CACNA2D3: variants seen among roughly 807,000 people sequenced by gnomAD.
The protein encoded by CACNA2D3 is calcium voltage-gated channel auxiliary subunit alpha2delta 3.
Under a neutral mutation model 160.6 loss-of-function variants are expected in CACNA2D3, and 60 were observed. That is an observed-to-expected ratio of 0.37 (90% confidence interval 0.30 to 0.46). CACNA2D3 has a LOEUF of 0.46. Among genes scored for constraint, CACNA2D3 ranks in the 20% least tolerant of loss-of-function variants. CACNA2D3 has a pLI of 1.00. For missense variants in CACNA2D3, 1,205 were observed against 1,365.0 expected (o/e 0.88, Z 1.85); for synonymous variants, 558 against 492.9 (o/e 1.13, Z -1.75).
chr3:54,305,813 T>C (rs1254621656), intron 2 of CACNA2D3, among the ~76,000 whole-genome samples: 1 of 152,236 alleles, frequency 6.6e-6, no homozygotes, highest in African/African-American at 2.4e-5. Flanking sequence ...CATATGACTT[T>C]CTTAACTTAC....
At chr3:54,592,497 G>A (rs751225683) in intron 9 of CACNA2D3, among the ~76,000 whole-genome samples, 1 of 152,108 alleles carries the variant, frequency 6.6e-6, no homozygotes, top group African/African-American at 2.4e-5. Context: ...CAAATTGGGT[G>A]AGCCTGGAGT....
chr3:54,165,750 C>T (rs779738677), intron 2 of CACNA2D3, among the ~76,000 whole-genome samples: 10 of 151,972 alleles, frequency 6.6e-5, no homozygotes, highest in African/African-American at 2.2e-4. Flanking sequence ...GTGAGCCATG[C>T]GCATGCTACT....
Position 55,074,206 on chromosome 3 carries a change from A to G in CACNA2D3, c.3276A>G (p.Ter1092TrpextTer2). The part of the protein sequence containing the change: ...LPLLLMLFSR[*>W] ...TGCTTTTGATGCTCTTCTCAAGGTG[A>G]CACTGACTGAGATGTTCTCTTACTG... Residue 1092 changes from the stop codon to tryptophan, a stop_lost, in exon 38 of 38, where the codon TGA becomes TGG. Coordinates refer to ENST00000474759, the MANE Select transcript of CACNA2D3 (RefSeq NM_018398.3). 6.2e-7 allele frequency: 1 copy of G among 1,610,440 alleles called. No individual in the cohort carries two copies. The highest frequency in any genetic ancestry group is 8.5e-7 in the Non-Finnish European group (1 of 1,177,056).
At chr3:54,560,415 C>T (rs62254259) in intron 5 of CACNA2D3, among the ~76,000 whole-genome samples, 12,470 of 152,152 alleles carry the variant, frequency 0.082, 690 homozygotes, top group Admixed American at 0.18. Context: ...TTTCCTTTGT[C>T]CACTTTTTAA....
intron 2 of CACNA2D3, among the ~76,000 whole-genome samples, chr3:54,141,061 C>CTGTGTGTGTGTGTGTGTG (rs55833247): frequency 0.048 from 6,141 of 128,826 alleles, 190 homozygotes; most frequent in Middle Eastern, 0.081. Flanking sequence ...CAGGTGAAAC[C>CTGTGTGTGTGTGTGTGTG]TGTGTGTGTG....
chr3:54,892,018 G>T (rs936300050), intron 25 of CACNA2D3, among the ~76,000 whole-genome samples: 4 of 152,182 alleles, frequency 2.6e-5, no homozygotes, highest in African/African-American at 9.7e-5. Context: ...GGTGGGCAGA[G>T]AGTTTCCAGG....
At chr3:54,452,321 G>A (rs1700320896) in intron 4 of CACNA2D3, among the ~76,000 whole-genome samples, 1 of 152,172 alleles carries the variant, frequency 6.6e-6, no homozygotes, top group African/African-American at 2.4e-5. Context: ...ACTGCCATGG[G>A]AACAGTATGG....
rs139013551 is a variant in CACNA2D3, at chr3:54,513,670, TTTTGTTTGTTTG to T, written c.544+10032_544+10043del. 2.6e-5 allele frequency among the ~76,000 whole-genome samples: 4 copies of T among 151,854 alleles called. No homozygotes were observed. In the East Asian group the frequency reaches 7.7e-4, roughly 29 times the overall value. ...TTTCAGCTAGCTATGTCATGCCTGTTTTTGTTTGTTTGTTTGTTTGTTTGTTTTGAGATGGAG... is the reference window on the plus strand; with the variant it reads ...TTTCAGCTAGCTATGTCATGCCTGTTTTTGTTTGTTTGTTTTGAGATGGAG... On this transcript the variant is annotated intron_variant, in intron 5 of 37. Transcript: ENST00000474759.
chr3:54,589,888 A>G (rs1289870043), intron 9 of CACNA2D3, among the ~76,000 whole-genome samples: 1 of 152,214 alleles, frequency 6.6e-6, no homozygotes, highest in African/African-American at 2.4e-5. Context: ...AATAAAAAAT[A>G]AAAAGAATAA....
At chr3:55,030,275 C>T (rs555777808) in intron 35 of CACNA2D3, among the ~76,000 whole-genome samples, 1 of 152,252 alleles carries the variant, frequency 6.6e-6, no homozygotes, top group East Asian at 1.9e-4. Flanking sequence ...GTAACTTCTG[C>T]ATCATAAAAA....
chr3:54,688,177 G>C lies in CACNA2D3; in HGVS notation c.1167+45936G>C, dbSNP rs981818928. ...AGGTGAATAGCAAACATGACTCTTT[G>C]TCCCCAAGAGCATGAAGCTCTTATT... On this transcript the variant is annotated intron_variant, in intron 11 of 37. Transcript: ENST00000474759. 4.6e-5 allele frequency among the ~76,000 whole-genome samples: 7 copies of C among 152,102 alleles called. No homozygotes were observed. The East Asian group carries it at 1.4e-3, about 29-fold the overall frequency.
intron 14 of CACNA2D3, among the ~76,000 whole-genome samples, chr3:54,831,073 G>A (rs890609715): frequency 6.6e-6 from 1 of 152,180 alleles, no homozygotes; most frequent in African/African-American, 2.4e-5. Flanking sequence ...ACAAATGTAA[G>A]AGGAGCAAAA....
intron 11 of CACNA2D3, among the ~76,000 whole-genome samples, chr3:54,647,834 T>C (rs1699682554): frequency 6.6e-6 from 1 of 152,232 alleles, no homozygotes; most frequent in Non-Finnish European, 1.5e-5. Flanking sequence ...TGCCAGTATT[T>C]CATTTCTGAG....
intron 13 of CACNA2D3, among the ~76,000 whole-genome samples, chr3:54,793,130 G>T (rs1022122913): frequency 1.3e-5 from 2 of 152,212 alleles, no homozygotes; most frequent in Admixed American, 1.3e-4. Context: ...GGGAGTGAGG[G>T]AGAGTAGAGG....
chr3:55,057,865 A>T (rs1204458152), intron 35 of CACNA2D3, among the ~76,000 whole-genome samples: 1 of 152,014 alleles, frequency 6.6e-6, no homozygotes, highest in Admixed American at 6.6e-5. Context: ...TTTTTTTCCT[A>T]TTTAGAATAC....
chr3:54,846,583 A>G lies in CACNA2D3; in HGVS notation c.1626+116A>G, dbSNP rs182949470. On this transcript the variant is annotated intron_variant, in intron 17 of 37. Transcript: ENST00000474759. ...TCACTTTTAAAAAACTATTGAATTCATAGCATTGTAAAGATTGTTATAGAG... is the reference window on the plus strand; with the variant it reads ...TCACTTTTAAAAAACTATTGAATTCGTAGCATTGTAAAGATTGTTATAGAG... 2.2e-4 allele frequency: 142 copies of G among 648,834 alleles called. No individual in the cohort carries two copies. In the East Asian group the frequency reaches 3.5e-3, roughly 16 times the overall value. The allele number at this position is 648,834 out of a possible 1,614,324, so 40.2% of individuals were successfully genotyped here. A position where few individuals can be genotyped will look rare whatever the true frequency, so the allele number is the denominator to read the frequency against.
Position 54,386,698 on chromosome 3 carries a change from T to TTG in CACNA2D3, c.322-16_322-15insGT. The TTG allele has an allele frequency of 7.2e-7, 1 of 1,395,824 alleles. No individual in the cohort carries two copies. The highest frequency in any genetic ancestry group is 9.5e-7 in the Non-Finnish European group (1 of 1,050,242). 86.5% of individuals were successfully genotyped at this position (1,395,824 alleles called of 1,614,324 possible). A position where few individuals can be genotyped will look rare whatever the true frequency, so the allele number is the denominator to read the frequency against. On this transcript the variant is annotated splice_polypyrimidine_tract_variant and intron_variant, in intron 3 of 37. Transcript: ENST00000474759. ...TGATCCTTAATGCTGTCTTCTGTTT[T>TTG]TTTTTTTTTTTTTTAGCGTCTGGTG...
At chr3:54,707,649 C>T (rs542309182) in intron 11 of CACNA2D3, among the ~76,000 whole-genome samples, 5 of 152,142 alleles carry the variant, frequency 3.3e-5, no homozygotes, top group African/African-American at 9.6e-5. Flanking sequence ...AAAGCTTTAC[C>T]GAGAAGCTGT....
At chr3:54,127,561 G>C (rs1006708011) in intron 2 of CACNA2D3, among the ~76,000 whole-genome samples, 2 of 152,294 alleles carry the variant, frequency 1.3e-5, no homozygotes, top group South Asian at 2.1e-4. Context: ...TTGCTCTTGT[G>C]GGGGAGGCGC....
Sources: gnomAD v4.1 joint callset for allele counts (sites outside exome capture counted in the v4.1 genomes callset) on GRCh38, gnomAD v4.1.1 for gene constraint, MANE v1.5 for transcripts, NCBI Gene and HGNC (gene_info 2026-07-23, HGNC 2026-07-21) for gene names.